SLC36A1: variants seen among roughly 807,000 people sequenced by gnomAD.
SLC36A1 encodes proton-coupled amino acid transporter 1.
A neutral mutation model predicts 47.5 loss-of-function variants in SLC36A1; 30 were observed. That is an observed-to-expected ratio of 0.63 (90% confidence interval 0.47 to 0.86). The LOEUF is 0.86. Ranked by LOEUF, SLC36A1 falls within the 40% of genes least tolerant of loss-of-function variation. SLC36A1 has a pLI of 0.00. For missense variants in SLC36A1, 517 were observed against 606.0 expected, an observed-to-expected ratio of 0.85 and a Z score of 1.54; for synonymous variants, 255 against 249.7, an observed-to-expected ratio of 1.02 and a Z score of -0.20.
At chr5:151,533,436 ACG>A in the SLC36A1 span, among the ~76,000 whole-genome samples, 4 of 145,500 alleles carry the variant, frequency 2.7e-5, no homozygotes, top group Non-Finnish European at 4.5e-5. Context: ...ACACACACAC[ACG>A]CTTTCCAGGT....
downstream of SLC36A1, among the ~76,000 whole-genome samples, chr5:151,493,183 A>G (rs73272022): frequency 0.029 from 4,435 of 152,264 alleles, 214 homozygotes; most frequent in African/African-American, 0.1. Flanking sequence ...GGGAAAACAC[A>G]CTTAAGGCTT....
chr5:151,421,867 G>C, the SLC36A1 span, among the ~76,000 whole-genome samples: 8 of 152,216 alleles, frequency 5.3e-5, no homozygotes, highest in Non-Finnish European at 1.2e-4. Flanking sequence ...TGGGATTACA[G>C]GTGTGAGCCA....
At chr5:151,418,760 G>A in the SLC36A1 span, among the ~76,000 whole-genome samples, 1 of 152,166 alleles carries the variant, frequency 6.6e-6, no homozygotes, top group Non-Finnish European at 1.5e-5. Context: ...AAGACTTTGG[G>A]AGACTCTAGG....
At chr5:151,417,906 A>G in the SLC36A1 span, among the ~76,000 whole-genome samples, 1 of 152,232 alleles carries the variant, frequency 6.6e-6, no homozygotes, top group South Asian at 2.1e-4. Context: ...CTGGAGGCCT[A>G]GGAGGGTAAA....
At position 151,490,512 on chromosome 5, in the gene SLC36A1, G is replaced by A. The variant is rs1760018084; in HGVS notation, c.*2258G>A. Reference sequence around the variant, plus strand: ...CGAGTTCTGAGATTGGGACTGTGATGTTGGGACCTGAGGACTGGATGGTAG... The same window carrying A: ...CGAGTTCTGAGATTGGGACTGTGATATTGGGACCTGAGGACTGGATGGTAG... On this transcript the variant is annotated 3_prime_UTR_variant, in exon 11 of 11. Transcript: ENST00000243389. 6.6e-6 allele frequency: 1 copy of A among 152,386 alleles called. No homozygotes were observed. The highest frequency in any genetic ancestry group is 2.4e-5 in the African/African-American group (1 of 41,472). 9.4% of individuals were successfully genotyped at this position (152,386 alleles called of 1,614,324 possible). A position where few individuals can be genotyped will look rare whatever the true frequency, so the allele number is the denominator to read the frequency against.
the SLC36A1 span, among the ~76,000 whole-genome samples, chr5:151,538,965 C>T: frequency 2.1e-4 from 32 of 152,052 alleles, no homozygotes; most frequent in African/African-American, 6.5e-4. Context: ...GGATTACAGA[C>T]GTGGATGGAA....
chr5:151,373,290 C>T, the SLC36A1 span, among the ~76,000 whole-genome samples: 1 of 151,624 alleles, frequency 6.6e-6, no homozygotes, highest in Non-Finnish European at 1.5e-5. Context: ...GAGAAAAATA[C>T]CAAAATAAAG....
At position 151,447,743 on chromosome 5, in the gene SLC36A1, G is replaced by T. The variant is rs55656828; in HGVS notation, c.-76G>T. 0.7 allele frequency: 106,973 copies of T among 151,880 alleles called. 39,251 individuals carry two copies. The highest frequency in any genetic ancestry group is 0.92 in the African/African-American group (38,118 of 41,464). The allele number at this position is 151,880 out of a possible 1,614,324, so 9.4% of individuals were successfully genotyped here. A position where few individuals can be genotyped will look rare whatever the true frequency, so the allele number is the denominator to read the frequency against. On this transcript the variant is annotated 5_prime_UTR_variant, in exon 1 of 11. Transcript: ENST00000243389. ...CGAGCAGTGAGTTCCTCCACTGGCTGCCGGCTGGCGGCGCTCGCCGCCTTG... is the reference window on the plus strand; with the variant it reads ...CGAGCAGTGAGTTCCTCCACTGGCTTCCGGCTGGCGGCGCTCGCCGCCTTG...
At chr5:151,450,769 A>G (rs765413877) in intron 1 of SLC36A1, among the ~76,000 whole-genome samples, 2 of 152,254 alleles carry the variant, frequency 1.3e-5, no homozygotes, top group Admixed American at 1.3e-4. Flanking sequence ...TTCAAAGGTC[A>G]GATGAGTGAA....
chr5:151,551,397 T>A, the SLC36A1 span: 1 of 1,551,122 alleles, frequency 6.4e-7, no homozygotes, highest in Non-Finnish European at 8.8e-7. Flanking sequence ...AAAACCTCTG[T>A]AGCCTCATCC....
chr5:151,363,271 G>T, the SLC36A1 span, among the ~76,000 whole-genome samples: 1 of 152,188 alleles, frequency 6.6e-6, no homozygotes, highest in Non-Finnish European at 1.5e-5. Context: ...ATTGTGGAAT[G>T]TATGTCCTAC....
the SLC36A1 span, among the ~76,000 whole-genome samples, chr5:151,356,689 C>T: frequency 6.6e-6 from 1 of 152,162 alleles, no homozygotes; most frequent in African/African-American, 2.4e-5. Context: ...TTCAAAAAAT[C>T]CCTCCACATT....
At chr5:151,517,627 G>C in the SLC36A1 span, 1 of 1,613,964 alleles carries the variant, frequency 6.2e-7, no homozygotes, top group Non-Finnish European at 8.5e-7. Context: ...TACCTTCAGG[G>C]AGACGGACGC....
At chr5:151,463,175 A>G (rs1349319490) in intron 2 of SLC36A1, among the ~76,000 whole-genome samples, 1 of 152,206 alleles carries the variant, frequency 6.6e-6, no homozygotes, top group Non-Finnish European at 1.5e-5. Flanking sequence ...GTGCCTGGCC[A>G]GGTCTGAGCC....
chr5:151,542,372 T>C, the SLC36A1 span: 1 of 1,614,198 alleles, frequency 6.2e-7, no homozygotes, highest in East Asian at 2.2e-5. Context: ...CCAGGCTCAC[T>C]GTTCTCAACC....
At chr5:151,368,588 T>G in the SLC36A1 span, among the ~76,000 whole-genome samples, 2 of 152,326 alleles carry the variant, frequency 1.3e-5, no homozygotes, top group South Asian at 4.1e-4. Flanking sequence ...TGGATAAGTC[T>G]TTTTGTGTCC....
the SLC36A1 span, chr5:151,527,275 G>A: frequency 3.1e-6 from 5 of 1,612,524 alleles, no homozygotes; most frequent in Non-Finnish European, 4.2e-6. Flanking sequence ...AATCTCGGTG[G>A]GTTATCATTG....
chr5:151,481,704 A>G (rs1336001019), intron 10 of SLC36A1, among the ~76,000 whole-genome samples: 2 of 151,704 alleles, frequency 1.3e-5, no homozygotes, highest in African/African-American at 4.8e-5. Flanking sequence ...AAAGATTACT[A>G]TGGCTGATAC....
upstream of SLC36A1, among the ~76,000 whole-genome samples, chr5:151,433,248 AT>A (rs1415837708): frequency 1.8e-4 from 2 of 11,270 alleles, no homozygotes; most frequent in East Asian, 7.5e-3. Context: ...ATATATATAT[AT>A]ATATATATAT....
Sources: allele counts gnomAD v4.1 joint callset (sites outside exome capture counted in the v4.1 genomes callset), GRCh38; gene constraint gnomAD v4.1.1; transcripts MANE v1.5; gene names NCBI Gene and HGNC (gene_info 2026-07-23, HGNC 2026-07-21).